The following SLC26A1 variants were observed in gnomAD, a reference collection of about 807,000 sequenced individuals.
SLC26A1 encodes sulfate anion transporter 1.
Under a neutral mutation model 14.5 loss-of-function variants are expected in SLC26A1, and 18 were observed. That is an observed-to-expected ratio of 1.24 (90% CI 0.86 to 1.84). The LOEUF is 1.84. Ranked by LOEUF, SLC26A1 falls within the 40% of genes most tolerant of loss-of-function variation. SLC26A1 has a pLI of 0.00. For synonymous variants in SLC26A1, 505 were observed against 492.0 expected (o/e 1.03, Z -0.35); for missense variants, 1,049 against 1,020.0 (o/e 1.03, Z -0.39).
chr4:981,644 A>C (rs918099169), intron 2 of SLC26A1, among the ~76,000 whole-genome samples: 2 of 152,100 alleles, frequency 1.3e-5, no homozygotes, highest in African/African-American at 4.8e-5. Flanking sequence ...TCTAAAAACA[A>C]AATGCATTAA....
chr4:991,049 C>T (rs1313528377), intron 2 of SLC26A1, 79 bp downstream of exon 2: 9 of 1,385,612 alleles, frequency 6.5e-6, no homozygotes, highest in Non-Finnish European at 8.7e-6. Context: ...TGCTTGCCCC[C>T]AGCCTTGCCC....
intron 2 of SLC26A1, 107 bp downstream of exon 2, chr4:991,021 C>T: frequency 8.5e-7 from 1 of 1,182,070 alleles, no homozygotes; most frequent in Non-Finnish European, 1.2e-6. Context: ...TGGGCCAGCA[C>T]CTCCTCTGCC....
chr4:982,349 C>A (rs1275962933), intron 2 of SLC26A1, among the ~76,000 whole-genome samples: 2 of 152,236 alleles, frequency 1.3e-5, no homozygotes, highest in Non-Finnish European at 2.9e-5. Flanking sequence ...GCGGCTTCCC[C>A]TGTCCTCGGT....
At chr4:979,350 G>T in exon 3 of SLC26A1, 2 of 1,000,590 alleles carry the variant, frequency 2.0e-6, no homozygotes, top group Non-Finnish European at 3.1e-6. Context: ...TTCTCGTGAG[G>T]CTGGTGTGAG....
chr4:991,556 C>T lies in SLC26A1; in HGVS notation c.148G>A (p.Val50Met), dbSNP rs1714334790. ...CGCGTGGCGGGGAGCAGGTCCTGCACCAGCGCCCGGACGCACAGCACACTG... is the reference window on the plus strand; with the variant it reads ...CGCGTGGCGGGGAGCAGGTCCTGCATCAGCGCCCGGACGCACAGCACACTG... The part of the protein sequence containing the change: ...SCSVLCVRAL[V>M]QDLLPATRWL... The change falls in exon 2 of 3, where the codon GTG becomes ATG. Residue 50 changes from valine (V) to methionine (M), a missense_variant. Transcript: ENST00000398516. The T allele has an allele frequency of 3.1e-6, 5 of 1,604,732 alleles. No individual in the cohort carries two copies. The South Asian group carries it at 5.5e-5, about 18-fold the overall frequency.
downstream of SLC26A1, chr4:987,095 T>C (rs180984980): frequency 7.3e-4 from 1,075 of 1,470,158 alleles, no homozygotes; most frequent in Non-Finnish European, 8.4e-4. Flanking sequence ...ATGCGTCCCC[T>C]GCGCCCCCGC....
At chr4:990,396 C>T (rs756739580) in intron 2 of SLC26A1, 34 bp from the exon 3 acceptor site, 2 of 1,535,718 alleles carry the variant, frequency 1.3e-6, no homozygotes, top group Non-Finnish European at 1.8e-6. Context: ...CAGCAGGCGC[C>T]TGGCGGGAGC....
At position 989,591 on chromosome 4, in the gene SLC26A1, G is replaced by A; in HGVS notation, c.1348C>T (p.Leu450=). Residue 450 remains leucine (L), a synonymous_variant, in exon 3 of 3, where the codon CTG becomes TTG. Coordinates refer to ENST00000398516, the MANE Select transcript of SLC26A1 (RefSeq NM_022042.4). ...CACACCTTGCGCAGGGCCCCCCGCAGGCTGACCACGATGACGCAGGCCAGC... is the reference window on the plus strand; with the variant it reads ...CACACCTTGCGCAGGGCCCCCCGCAAGCTGACCACGATGACGCAGGCCAGC... ...SVLACVIVVS[L]RGALRKVWDL... 1 of 1,600,422 alleles carries A rather than the reference G, an allele frequency of 6.2e-7. No individual in the cohort carries two copies. Among genetic ancestry groups the A allele is most frequent in the Non-Finnish European group, 8.5e-7 (1 of 1,175,146 alleles).
Position 988,607 on chromosome 4 carries a change from G to T in SLC26A1, c.*226C>A. The T allele has an allele frequency of 1.5e-6, 2 of 1,374,614 alleles. No individual in the cohort carries two copies. Among genetic ancestry groups the T allele is most frequent in the Non-Finnish European group, 1.9e-6 (2 of 1,069,436 alleles). The allele number at this position is 1,374,614 out of a possible 1,614,324, so 85.2% of individuals were successfully genotyped here. A position where few individuals can be genotyped will look rare whatever the true frequency, so the allele number is the denominator to read the frequency against. ...GGGGCCCAGCCAGCACTGTGGGCCA[G>T]CCTGTCTCGGAGGCAGAGGTTCTTG... On this transcript the variant is annotated 3_prime_UTR_variant, in exon 3 of 3. Coordinates refer to ENST00000398516, the MANE Select transcript of SLC26A1 (RefSeq NM_022042.4).
At position 991,323 on chromosome 4, in the gene SLC26A1, G is replaced by T; in HGVS notation, c.381C>A (p.Ser127Arg). 6.2e-7 allele frequency: 1 copy of T among 1,612,866 alleles called. No individual in the cohort carries two copies. The highest frequency in any genetic ancestry group is 8.5e-7 in the Non-Finnish European group (1 of 1,179,938). Residue 127 changes from serine to arginine, a missense_variant, in exon 2 of 3, where the codon AGC (serine) becomes AGA (arginine). Transcript: ENST00000398516. ...CCTGCCCCACCATGAGGCAAAGCAG[G>T]CTGAAGATGCCCACGGAGACATGCC... is the stretch of plus-strand genomic sequence containing the variant. ...TSRHVSVGIF[S>R]LLCLMVGQVV...
At chr4:979,284 T>A in exon 3 of SLC26A1, 1 of 651,354 alleles carries the variant, frequency 1.5e-6, no homozygotes, top group South Asian at 1.9e-5. Flanking sequence ...AGGGGCTGCC[T>A]TTTTTCCCCA....
Position 981,702 on chromosome 4 carries a change from G to A in SLC26A1, c.577-2198C>T, listed in dbSNP as rs375041804. Among the ~76,000 whole-genome samples, 24 of 152,304 alleles carry A rather than the reference G, an allele frequency of 1.6e-4. No homozygotes were observed. The East Asian group carries it at 4.2e-3, about 27-fold the overall frequency. On this transcript the variant is annotated intron_variant, in intron 2 of 2. Coordinates refer to the SLC26A1 transcript ENST00000398520. Reference sequence around the variant, plus strand: ...TGCTCTCAGAGACTCCACTGTAGAGGCATTGGCAGCCTCTTCTTAGCCGGC... The same window carrying A: ...TGCTCTCAGAGACTCCACTGTAGAGACATTGGCAGCCTCTTCTTAGCCGGC...
At position 988,626 on chromosome 4, in the gene SLC26A1, G is replaced by T. The variant is rs1459344860; in HGVS notation, c.*207C>A. 2.2e-6 allele frequency: 3 copies of T among 1,383,026 alleles called. No homozygotes were observed. The African/African-American group carries it at 4.4e-5, about 20-fold the overall frequency. 85.7% of individuals were successfully genotyped at this position (1,383,026 alleles called of 1,614,324 possible). A position where few individuals can be genotyped will look rare whatever the true frequency, so the allele number is the denominator to read the frequency against. On this transcript the variant is annotated 3_prime_UTR_variant, in exon 3 of 3. Transcript: ENST00000398516. ...GGGCCAGCCTGTCTCGGAGGCAGAG[G>T]TTCTTGATTTCTGAGTGTTTGGGTC...
Position 990,156 on chromosome 4 carries a change from C to G in SLC26A1, c.783G>C (p.Val261=). The stretch of plus-strand genomic sequence containing the variant: ...ACACCGTGCTGGTGACCACGTCGCA[C>G]ACGTTGGCCTGCCCGGCGCCGCGCA... ...SLLRGAGQAN[V]CDVVTSTVCL... is the part of the protein sequence containing the mutation. The change falls in exon 3 of 3, where the codon GTG becomes GTC. Residue 261 remains valine, a synonymous_variant. Transcript: ENST00000398516. The G allele has an allele frequency of 6.4e-7, 1 of 1,564,410 alleles. No individual in the cohort carries two copies. Among genetic ancestry groups the G allele is most frequent in the Non-Finnish European group, 8.7e-7 (1 of 1,155,616 alleles).
rs761195058 is a variant in SLC26A1, at chr4:991,680, C to G, written c.24G>C (p.Leu8=). The change falls in exon 2 of 3, where the codon CTG becomes CTC. Residue 8 remains leucine (L), a synonymous_variant. Transcript: ENST00000398516. The part of the protein sequence containing the change: MDESPEP[L]QQGRGPVPVR... ...CCGGCACCGGCCCTCTGCCCTGCTG[C>G]AGAGGCTCAGGGGACTCGTCCATCC... 2.0e-6 allele frequency: 3 copies of G among 1,534,168 alleles called. No individual in the cohort carries two copies. Among genetic ancestry groups the G allele is most frequent in the Non-Finnish European group, 2.6e-6 (3 of 1,146,632 alleles).
At position 990,198 on chromosome 4, in the gene SLC26A1, G is replaced by A; in HGVS notation, c.741C>T (p.Leu247=). The change falls in exon 3 of 3, where the codon CTC becomes CTT. Residue 247 remains leucine (L), a synonymous_variant. Coordinates refer to ENST00000398516, the MANE Select transcript of SLC26A1 (RefSeq NM_022042.4). ...PRHQGPGMVV[L]TWLSLLRGAG... ...CGCCGCGCAGCAGGCTCAGCCATGTGAGGACCACCATGCCGGGCCCCTGGT... is the reference window on the plus strand; with the variant it reads ...CGCCGCGCAGCAGGCTCAGCCATGTAAGGACCACCATGCCGGGCCCCTGGT... The A allele has an allele frequency of 6.4e-7, 1 of 1,562,088 alleles. No individual in the cohort carries two copies. Among genetic ancestry groups the A allele is most frequent in the Non-Finnish European group, 8.7e-7 (1 of 1,153,850 alleles).
chr4:991,544 G>T lies in SLC26A1; in HGVS notation c.160C>A (p.Leu54Ile). 1 of 1,605,506 alleles carries T rather than the reference G, an allele frequency of 6.2e-7. No individual in the cohort carries two copies. Among genetic ancestry groups the T allele is most frequent in the Non-Finnish European group, 8.5e-7 (1 of 1,176,578 alleles). The change falls in exon 2 of 3, where the codon CTC becomes ATC. Residue 54 changes from leucine to isoleucine, a missense_variant. By Grantham distance (5) the Leu-to-Ile change is conservative. Coordinates refer to ENST00000398516, the MANE Select transcript of SLC26A1 (RefSeq NM_022042.4). ...LCVRALVQDL[L>I]PATRWLRQYR... is the part of the protein sequence containing the mutation. Reference sequence around the variant, plus strand: ...TGACGCAGCCAGCGCGTGGCGGGGAGCAGGTCCTGCACCAGCGCCCGGACG... The same window carrying T: ...TGACGCAGCCAGCGCGTGGCGGGGATCAGGTCCTGCACCAGCGCCCGGACG...
intron 2 of SLC26A1, among the ~76,000 whole-genome samples, chr4:980,584 C>T (rs1448833628): frequency 1.6e-5 from 2 of 127,776 alleles, no homozygotes; most frequent in Non-Finnish European, 3.2e-5. Context: ...GAAACTCCAT[C>T]TCAAAAAAAA....
At chr4:981,976 C>T (rs1038909718) in intron 2 of SLC26A1, among the ~76,000 whole-genome samples, 1 of 152,212 alleles carries the variant, frequency 6.6e-6, no homozygotes, top group Non-Finnish European at 1.5e-5. Flanking sequence ...CCCACCACCA[C>T]ACCCGGCTAA....
Sources: gnomAD v4.1 joint callset for allele counts (sites outside exome capture counted in the v4.1 genomes callset) on GRCh38, gnomAD v4.1.1 for gene constraint, MANE v1.5 for transcripts, NCBI Gene and HGNC (gene_info 2026-07-23, HGNC 2026-07-21) for gene names.